FEZF1: variants seen among roughly 807,000 people sequenced by gnomAD.
FEZF1 encodes FEZ family zinc finger 1.
A neutral mutation model predicts 32.4 loss-of-function variants in FEZF1; 8 were observed. The observed-to-expected ratio is 0.25, with a 90% CI of 0.15 to 0.45. The LOEUF is 0.45. FEZF1 is among the 20% of genes least tolerant of loss of function. The probability of loss-of-function intolerance (pLI) is 1.00; values close to 1 mark genes in which losing one functional copy is unlikely to be tolerated. For missense variants in FEZF1, 546 were observed against 622.3 expected, an observed-to-expected ratio of 0.88 and a Z score of 1.31; for synonymous variants, 259 against 265.2, an observed-to-expected ratio of 0.98 and a Z score of 0.23.
rs2031064422 is a variant in FEZF1 at position 122,302,130 on chromosome 7, G to A, written c.1295C>T (p.Thr432Met). 2 of 1,614,026 alleles carry A rather than the reference G, an allele frequency of 1.2e-6. No homozygotes were observed. The highest frequency in any genetic ancestry group is 1.7e-6 in the Non-Finnish European group (2 of 1,179,984). Residue 432 changes from threonine to methionine, a missense_variant, in exon 4 of 4, where the codon ACG (threonine) becomes ATG (methionine). By Grantham distance (81) the Thr-to-Met change is moderately conservative (BLOSUM62 -1). Around this residue, in one of 3 missense-constraint regions of FEZF1, gnomAD observed 83 missense variants for 73.0 expected, o/e 1.14. Transcript: ENST00000442488. This position sits in a 1 kb window ranked among gnomAD's most constrained non-coding sequence, Gnocchi z 4.4. ...TTCAGTGCCTGGTTCGCCAGCTGGC[G>A]TGCGGGCCAGCCCCAGGCTGCTGTC... ...LHDSSLGLAR[T>M]PAGEPGTEPP... is the part of the protein sequence containing the mutation.
chr7:122,307,659 C>A (rs1375019624), upstream of FEZF1, among the ~76,000 whole-genome samples: 1 of 152,244 alleles, frequency 6.6e-6, no homozygotes, highest in Non-Finnish European at 1.5e-5. Flanking sequence ...CAACAGTTTG[C>A]TTTTCACTAG....
Position 122,303,774 on chromosome 7 carries a change from A to G in FEZF1, c.664T>C (p.Ser222Pro), listed in dbSNP as rs1255164547. ...YPSGVAFKDL[S>P]QAQLQHYMKE... ...ATGTAATGCTGCAGCTGAGCCTGGG[A>G]CAGGTCTTTGAAAGCTACTCCAGAA... The change falls in exon 1 of 4, where the codon TCC becomes CCC. Residue 222 changes from serine to proline, a missense_variant. Around this residue, in one of 3 missense-constraint regions of FEZF1, gnomAD observed 345 missense variants for 360.6 expected, o/e 0.96. Transcript: ENST00000442488. 6.2e-7 allele frequency: 1 copy of G among 1,614,060 alleles called. No homozygotes were observed. The highest frequency in any genetic ancestry group is 1.3e-5 in the African/African-American group (1 of 74,926).
chr7:122,302,662 C>A lies in FEZF1; in HGVS notation c.1069+137G>T. On this transcript the variant is annotated intron_variant, in intron 3 of 3. Transcript: ENST00000442488. This position sits in a 1 kb window ranked among gnomAD's most constrained non-coding sequence, Gnocchi z 4.4. The stretch of plus-strand genomic sequence containing the variant: ...ATGCTTTTCTCTAATACTAATCAGA[C>A]TTCGAGTAGGGAGTTAGAATGGCAA... The A allele has an allele frequency of 1.0e-6, 1 of 973,626 alleles. No individual in the cohort carries two copies. Among genetic ancestry groups the A allele is most frequent in the Non-Finnish European group, 1.6e-6 (1 of 635,036 alleles). 60.3% of individuals were successfully genotyped at this position (973,626 alleles called of 1,614,324 possible). A position where few individuals can be genotyped will look rare whatever the true frequency, so the allele number is the denominator to read the frequency against.
Position 122,303,947 on chromosome 7 carries a change from T to C in FEZF1, c.491A>G (p.Asn164Ser). 6.2e-7 allele frequency: 1 copy of C among 1,605,238 alleles called. No homozygotes were observed. Among genetic ancestry groups the C allele is most frequent in the Non-Finnish European group, 8.5e-7 (1 of 1,175,686 alleles). The change falls in exon 1 of 4, where the codon AAC becomes AGC. Residue 164 changes from asparagine (N) to serine (S), a missense_variant. Physicochemically the swap from Asn to Ser is conservative, Grantham distance 46. Transcript: ENST00000442488. ...CGGGTGGCATGGGCCGTCACCTCGG[T>C]TCAGGTAGCACAAGGCGCCCATGGC... ...FHAMGALCYLNRGDGPCHPAA... is the reference protein window; with the variant it reads ...FHAMGALCYLSRGDGPCHPAA...
At position 122,304,041 on chromosome 7, in the gene FEZF1, G is replaced by A. The variant is rs760302021; in HGVS notation, c.397C>T (p.Arg133Cys). The change falls in exon 1 of 4, where the codon CGC becomes TGC. Residue 133 changes from arginine to cysteine, a missense_variant. Arg to Cys is a radical substitution (Grantham distance 180). This residue lies in a region of FEZF1 where 345 missense variants were observed against 360.6 expected (regional missense o/e 0.96). Transcript: ENST00000442488. ...CALSLKGDLA[R>C]DALPLQQYKL... ...TACTGCTGCAGCGGCAGCGCGTCGC[G>A]GGCCAGGTCGCCCTTGAGACTCAGT... 18 of 1,558,572 alleles carry A rather than the reference G, an allele frequency of 1.2e-5. No homozygotes were observed. Among genetic ancestry groups the A allele is most frequent in the Non-Finnish European group, 1.5e-5 (17 of 1,153,894 alleles).
upstream of FEZF1, among the ~76,000 whole-genome samples, chr7:122,308,777 C>G (rs796321924): frequency 2.6e-5 from 4 of 152,262 alleles, no homozygotes; most frequent in Admixed American, 6.5e-5. Flanking sequence ...GCCCCTTCAC[C>G]AAGAGCAACA....
upstream of FEZF1, chr7:122,307,056 G>A (rs1277561978): frequency 1.3e-5 from 2 of 152,204 alleles, no homozygotes; most frequent in African/African-American, 4.8e-5. Flanking sequence ...CTTCGTAGTT[G>A]TCCTTGGACC....
upstream of FEZF1, among the ~76,000 whole-genome samples, chr7:122,309,253 G>A (rs989855745): frequency 1.3e-5 from 2 of 152,212 alleles, no homozygotes; most frequent in African/African-American, 4.8e-5. Flanking sequence ...CTAAAGCAAT[G>A]TGAAGGACAG....
chr7:122,303,778 G>A lies in FEZF1; in HGVS notation c.660C>T (p.Asp220=), dbSNP rs1166977654. ...AATGCTGCAGCTGAGCCTGGGACAG[G>A]TCTTTGAAAGCTACTCCAGAAGGGT... The part of the protein sequence containing the change: ...EKYPSGVAFK[D]LSQAQLQHYM... Residue 220 remains aspartate (D), a synonymous_variant, in exon 1 of 4, where the codon GAC becomes GAT. Coordinates refer to ENST00000442488, the MANE Select transcript of FEZF1 (RefSeq NM_001024613.4). 1 of 1,614,194 alleles carries A rather than the reference G, an allele frequency of 6.2e-7. No homozygotes were observed. Among genetic ancestry groups the A allele is most frequent in the Non-Finnish European group, 8.5e-7 (1 of 1,180,030 alleles).
In FEZF1 at chr7:122,302,322, C is replaced by T. The variant is rs1336712587; in HGVS notation, c.1103G>A (p.Gly368Glu). 6.2e-7 allele frequency: 1 copy of T among 1,614,084 alleles called. No homozygotes were observed. The highest frequency in any genetic ancestry group is 1.1e-5 in the South Asian group (1 of 91,084). ...NYKNHKLTHSGEKQFKCNICN... is the reference protein window; with the variant it reads ...NYKNHKLTHSEEKQFKCNICN... ...GATATTGCACTTGAACTGCTTCTCC[C>T]CGCTGTGGGTCAACTTGTGGTTTTT... Residue 368 changes from glycine to glutamate, a missense_variant, in exon 4 of 4, where the codon GGG (glycine) becomes GAG (glutamate). By Grantham distance (98) the Gly-to-Glu change is moderately conservative. Transcript: ENST00000442488. The surrounding 1 kb of genome is among the most constrained non-coding windows in gnomAD (Gnocchi z 4.4).
rs769912076 is a variant in FEZF1 at position 122,303,674 on chromosome 7, G to A, written c.764C>T (p.Ala255Val). Reference sequence around the variant, plus strand: ...TTCGCAAGTGAAAACTTTGGGCTTGGCATTAGGAGAGCCTCGGCTGAAATC... The same window carrying A: ...TTCGCAAGTGAAAACTTTGGGCTTGACATTAGGAGAGCCTCGGCTGAAATC... ...TSDFSRGSPN[A>V]KPKVFTCEVC... Residue 255 changes from alanine (A) to valine (V), a missense_variant, in exon 1 of 4, where the codon GCC becomes GTC. By Grantham distance (64) the Ala-to-Val change is moderately conservative. Transcript: ENST00000442488. 1.7e-5 allele frequency: 28 copies of A among 1,614,030 alleles called. No homozygotes were observed. The African/African-American group carries it at 2.5e-4, about 15-fold the overall frequency.
chr7:122,307,826 T>C (rs551666530), upstream of FEZF1, among the ~76,000 whole-genome samples: 64 of 152,346 alleles, frequency 4.2e-4, no homozygotes, highest in Non-Finnish European at 7.9e-4. Context: ...ATATCCAACA[T>C]TTGTTAATTT....
At position 122,302,050 on chromosome 7, in the gene FEZF1, G is replaced by C; in HGVS notation, c.1375C>G (p.Pro459Ala). Residue 459 changes from proline (P) to alanine (A), a missense_variant, in exon 4 of 4, where the codon CCG (proline) becomes GCG (alanine). Coordinates refer to ENST00000442488, the MANE Select transcript of FEZF1 (RefSeq NM_001024613.4). This position sits in a 1 kb window ranked among gnomAD's most constrained non-coding sequence, Gnocchi z 4.4. Reference protein sequence around the residue: ...PPMTLPPLQPPLPTPGPLQPG... With the variant: ...PPMTLPPLQPALPTPGPLQPG... ...TGCAGGGGCCCCGGGGTTGGCAGCG[G>C]CGGCTGCAGAGGAGGCAGCGTCATC... is the stretch of plus-strand genomic sequence containing the variant. 3 of 1,603,590 alleles carry C rather than the reference G, an allele frequency of 1.9e-6. No homozygotes were observed. Among genetic ancestry groups the C allele is most frequent in the Non-Finnish European group, 2.5e-6 (3 of 1,178,408 alleles).
Position 122,302,610 on chromosome 7 carries a change from A to C in FEZF1, c.1069+189T>G, listed in dbSNP as rs1317197790. ...TTACATACAATGAGAGCATGCAGTT[A>C]AAACATATACCCTTGTTTTATGAAT... On this transcript the variant is annotated intron_variant, in intron 3 of 3. Transcript: ENST00000442488. The surrounding 1 kb of genome is among the most constrained non-coding windows in gnomAD (Gnocchi z 4.4). 6.6e-6 allele frequency among the ~76,000 whole-genome samples: 1 copy of C among 152,228 alleles called. No homozygotes were observed. Among genetic ancestry groups the C allele is most frequent in the African/African-American group, 2.4e-5 (1 of 41,464 alleles).
At chr7:122,303,013 C>T in intron 2 of FEZF1, 82 bp from the exon 3 acceptor site, 5 of 1,536,192 alleles carry the variant, frequency 3.3e-6, no homozygotes, top group Non-Finnish European at 4.4e-6. Flanking sequence ...CACAGTAATG[C>T]TTAAACACTT....
Position 122,304,213 on chromosome 7 carries a change from G to T in FEZF1, c.225C>A (p.Ile75=). 1.3e-6 allele frequency: 2 copies of T among 1,596,352 alleles called. No homozygotes were observed. The highest frequency in any genetic ancestry group is 1.7e-6 in the Non-Finnish European group (2 of 1,169,032). ...TGTCGTAGGCCACAGGCACGAAGGGGATCATGCAGGGGATCGACGAGTTGA... is the reference window on the plus strand; with the variant it reads ...TGTCGTAGGCCACAGGCACGAAGGGTATCATGCAGGGGATCGACGAGTTGA... ...LHLNSSIPCM[I]PFVPVAYDTS... The change falls in exon 1 of 4, where the codon ATC becomes ATA. Residue 75 remains isoleucine, a synonymous_variant. Transcript: ENST00000442488.
upstream of FEZF1, chr7:122,304,803 TC>T: frequency 5.3e-6 from 1 of 189,280 alleles, no homozygotes; most frequent in South Asian, 1.6e-4. Context: ...TTTTTTTTTT[TC>T]ATCTGCAGTC....
At chr7:122,305,012 C>G (rs2031232445), upstream of FEZF1, 1 of 150,178 alleles carries the variant, frequency 6.7e-6, no homozygotes, top group Non-Finnish European at 1.5e-5. Context: ...GCTTTAGAGG[C>G]CAAGCAAATC....
At chr7:122,307,516 C>T (rs1204056253), upstream of FEZF1, 1 of 152,372 alleles carries the variant, frequency 6.6e-6, no homozygotes, top group Admixed American at 6.5e-5. Flanking sequence ...CCCTTCCTCT[C>T]CTCCCCCTCC....
Sources: allele counts gnomAD v4.1 joint callset (sites outside exome capture counted in the v4.1 genomes callset), GRCh38; gene constraint gnomAD v4.1.1; regional missense constraint gnomAD v4.1.1; non-coding constraint Gnocchi (gnomAD v3.1); transcripts MANE v1.5; gene names NCBI Gene and HGNC (gene_info 2026-07-23, HGNC 2026-07-21).